AGAP1: variants seen among roughly 807,000 people sequenced by gnomAD.
The protein encoded by AGAP1 is ArfGAP with GTPase domain, ankyrin repeat and PH domain 1.
Under a neutral mutation model 105.3 loss-of-function variants are expected in AGAP1, and 29 were observed. That is an observed-to-expected ratio of 0.28 (90% confidence interval 0.21 to 0.38). The LOEUF (loss-of-function observed/expected upper bound fraction) is 0.38, where lower values mean the gene tolerates loss of function less well. AGAP1 is among the 10% of genes least tolerant of loss of function. The pLI is 1.00. For synonymous variants in AGAP1, 509 were observed against 485.9 expected, an observed-to-expected ratio of 1.05 and a Z score of -0.63; for missense variants, 998 against 1,165.1, an observed-to-expected ratio of 0.86 and a Z score of 2.09.
At chr2:236,047,598 C>CTTTTTTTTTTTTTTTTT (rs59007077) in intron 15 of AGAP1, among the ~76,000 whole-genome samples, 14 of 68,286 alleles carry the variant, frequency 2.1e-4, no homozygotes, top group East Asian at 6.0e-4. Flanking sequence ...TCTCACATTT[C>CTTTTTTTTTTTTTTTTT]TTTTTTTTTT....
chr2:235,573,001 T>A (rs1350504754), intron 1 of AGAP1, among the ~76,000 whole-genome samples: 2 of 24,306 alleles, frequency 8.2e-5, no homozygotes, highest in African/African-American at 3.9e-4. Flanking sequence ...CTTCTTCTTC[T>A]TCTTCTTCTT....
chr2:235,660,784 C>T lies in AGAP1; in HGVS notation c.164-48395C>T, dbSNP rs186791212. On this transcript the variant is annotated intron_variant, in intron 1 of 17. Coordinates refer to ENST00000304032, the MANE Select transcript of AGAP1 (RefSeq NM_001037131.3). This position sits in a 1 kb window ranked among gnomAD's most constrained non-coding sequence, Gnocchi z 5.3. Reference sequence around the variant, plus strand: ...TTTCAGCATTGGAGCAGATGCTCCCCATACATCATCACATCTTATTGTCGC... The same window carrying T: ...TTTCAGCATTGGAGCAGATGCTCCCTATACATCATCACATCTTATTGTCGC... Among the ~76,000 whole-genome samples the T allele has an allele frequency of 6.6e-6, 1 of 152,312 alleles. No individual in the cohort carries two copies. The highest frequency in any genetic ancestry group is 2.4e-5 in the African/African-American group (1 of 41,558).
At chr2:235,990,507 G>A (rs2055520381) in intron 13 of AGAP1, among the ~76,000 whole-genome samples, 1 of 152,236 alleles carries the variant, frequency 6.6e-6, no homozygotes, top group Admixed American at 6.5e-5. Context: ...TGGGACCTAA[G>A]CTGGGGCTGT....
rs980385185 is a variant in AGAP1, at chr2:235,789,508, G to C, written c.674-8251G>C. Among the ~76,000 whole-genome samples the C allele has an allele frequency of 6.6e-6, 1 of 152,118 alleles. No individual in the cohort carries two copies. The highest frequency in any genetic ancestry group is 1.5e-5 in the Non-Finnish European group (1 of 68,038). The stretch of plus-strand genomic sequence containing the variant: ...GAATACAGACAAGAACTGAATTTCA[G>C]ATTAAGAATTCAGACTTCAGTACTT... On this transcript the variant is annotated intron_variant, in intron 6 of 17. Transcript: ENST00000304032. The surrounding 1 kb of genome is among the most constrained non-coding windows in gnomAD (Gnocchi z 4.2).
intron 9 of AGAP1, among the ~76,000 whole-genome samples, chr2:235,858,278 TAAA>T (rs2048769253): frequency 3.3e-5 from 5 of 152,228 alleles, no homozygotes; most frequent in Admixed American, 3.3e-4. Flanking sequence ...TAGCGTTAGT[TAAA>T]AAATGTAAGA....
Position 235,612,368 on chromosome 2 carries a change from A to C in AGAP1, c.164-96811A>C, listed in dbSNP as rs1347098203. ...CCTTGGTTGCATTTAATGTGTGTGC[A>C]TAATCAGAGGGCAAGGACAGCAGTA... On this transcript the variant is annotated intron_variant, in intron 1 of 17. Transcript: ENST00000304032. This position sits in a 1 kb window ranked among gnomAD's most constrained non-coding sequence, Gnocchi z 4.3. Among the ~76,000 whole-genome samples the C allele has an allele frequency of 6.6e-6, 1 of 152,210 alleles. No individual in the cohort carries two copies. The highest frequency in any genetic ancestry group is 2.4e-5 in the African/African-American group (1 of 41,446).
rs1944679491 is a variant in AGAP1, at chr2:235,574,762, G to T, written c.163+79913G>T. Among the ~76,000 whole-genome samples the T allele has an allele frequency of 6.6e-6, 1 of 152,146 alleles. No homozygotes were observed. The highest frequency in any genetic ancestry group is 1.5e-5 in the Non-Finnish European group (1 of 68,006). On this transcript the variant is annotated intron_variant, in intron 1 of 17. Coordinates refer to ENST00000304032, the MANE Select transcript of AGAP1 (RefSeq NM_001037131.3). This position sits in a 1 kb window ranked among gnomAD's most constrained non-coding sequence, Gnocchi z 5.0. ...GAGGGAATGAACGAGAAAAATAAAA[G>T]AAAGAAAATCACACAAGACCAAATA...
Position 235,754,426 on chromosome 2 carries a change from TA to T in AGAP1, c.673+3954del, listed in dbSNP as rs71400783. 0.25 allele frequency among the ~76,000 whole-genome samples: 33,981 copies of T among 136,424 alleles called. 4,112 individuals carry two copies. The highest frequency in any genetic ancestry group is 0.52 in the East Asian group (2,548 of 4,918). The allele number at this position is 136,424 out of a possible 152,430, so 89.5% of individuals were successfully genotyped here. On this transcript the variant is annotated intron_variant, in intron 6 of 17. Coordinates refer to ENST00000304032, the MANE Select transcript of AGAP1 (RefSeq NM_001037131.3). The surrounding 1 kb of genome is among the most constrained non-coding windows in gnomAD (Gnocchi z 4.6). The stretch of plus-strand genomic sequence containing the variant: ...TTCTACATAATGTTTGGCTTGTAAA[TA>T]AAAAAAAAAAAAAAATCCAGCTGCT...
intron 2 of AGAP1, among the ~76,000 whole-genome samples, chr2:235,715,267 G>C (rs1951043426): frequency 6.6e-6 from 1 of 152,114 alleles, no homozygotes; most frequent in Non-Finnish European, 1.5e-5. Flanking sequence ...GACTTTGTTG[G>C]AGCCAGGGAC....
chr2:235,807,381 G>T, intron 9 of AGAP1, 50 bp downstream of exon 9: 1 of 1,513,972 alleles, frequency 6.6e-7, no homozygotes, highest in Non-Finnish European at 8.9e-7. Flanking sequence ...ATACACCTCA[G>T]GTCTTCCTGG....
Position 236,124,248 on chromosome 2 carries a change from C to A in AGAP1, c.*126C>A. On this transcript the variant is annotated 3_prime_UTR_variant, in exon 18 of 18. Transcript: ENST00000304032. The surrounding 1 kb of genome is among the most constrained non-coding windows in gnomAD (Gnocchi z 5.1). Reference sequence around the variant, plus strand: ...CTCTTCCTGGTGGCCACCTCCCTCCCGCCCACCCACTCTCACCCCAAACAA... The same window carrying A: ...CTCTTCCTGGTGGCCACCTCCCTCCAGCCCACCCACTCTCACCCCAAACAA... The A allele has an allele frequency of 2.8e-6, 3 of 1,071,992 alleles. No individual in the cohort carries two copies. Among genetic ancestry groups the A allele is most frequent in the Non-Finnish European group, 4.1e-6 (3 of 735,426 alleles). The allele number at this position is 1,071,992 out of a possible 1,614,324, so 66.4% of individuals were successfully genotyped here. A position where few individuals can be genotyped will look rare whatever the true frequency, so the allele number is the denominator to read the frequency against.
chr2:235,830,004 G>A lies in AGAP1; in HGVS notation c.1050+22673G>A, dbSNP rs1387248733. On this transcript the variant is annotated intron_variant, in intron 9 of 17. Transcript: ENST00000304032. This position sits in a 1 kb window ranked among gnomAD's most constrained non-coding sequence, Gnocchi z 5.5. ...AAGACTGGGGGCACATGGGGACCAG[G>A]ACACCTGGACATACACAGTCAGAAG... Among the ~76,000 whole-genome samples the A allele has an allele frequency of 1.3e-5, 2 of 152,158 alleles. No individual in the cohort carries two copies. Among genetic ancestry groups the A allele is most frequent in the East Asian group, 1.9e-4 (1 of 5,186 alleles).
intron 1 of AGAP1, among the ~76,000 whole-genome samples, chr2:235,643,989 G>C (rs1243503379): frequency 6.6e-6 from 1 of 152,120 alleles, no homozygotes; most frequent in Non-Finnish European, 1.5e-5. Flanking sequence ...CCTTTGCTCT[G>C]TGCCTCTGTA....
intron 11 of AGAP1, among the ~76,000 whole-genome samples, chr2:235,917,128 C>T (rs2051926438): frequency 6.6e-6 from 1 of 152,148 alleles, no homozygotes; most frequent in South Asian, 2.1e-4. Flanking sequence ...GATGCTTAGA[C>T]CTTTGTCAAA....
chr2:235,790,211 G>C (rs986361702), intron 6 of AGAP1, among the ~76,000 whole-genome samples: 1 of 152,058 alleles, frequency 6.6e-6, no homozygotes, highest in Non-Finnish European at 1.5e-5. Flanking sequence ...AGAAATTTTC[G>C]GAGTTTAGCT....
In AGAP1 at chr2:235,867,592, A is replaced by AC; in HGVS notation, c.1051-15748dup. On this transcript the variant is annotated intron_variant, in intron 9 of 17. Transcript: ENST00000304032. This position sits in a 1 kb window ranked among gnomAD's most constrained non-coding sequence, Gnocchi z 5.4. ...GTGTGTGTGCAAGTGAGGGAGGGTG[A>AC]CCCCCACACCAAGCACACAGGGCCA... is the stretch of plus-strand genomic sequence containing the variant. Among the ~76,000 whole-genome samples the AC allele has an allele frequency of 7.1e-6, 1 of 140,118 alleles. No individual in the cohort carries two copies. Among genetic ancestry groups the AC allele is most frequent in the Admixed American group, 7.3e-5 (1 of 13,766 alleles). 91.9% of individuals were successfully genotyped at this position (140,118 alleles called of 152,430 possible). A position where few individuals can be genotyped will look rare whatever the true frequency, so the allele number is the denominator to read the frequency against.
chr2:235,930,998 C>T lies in AGAP1; in HGVS notation c.1483+75C>T, dbSNP rs1290126209. On this transcript the variant is annotated intron_variant, in intron 12 of 17. Transcript: ENST00000304032. The surrounding 1 kb of genome is among the most constrained non-coding windows in gnomAD (Gnocchi z 7.9). ...GTTGTAAGCCAGGGGCTGGACAGGA[C>T]GCCCTAAGCTCTCATGCTCCTCTGG... The T allele has an allele frequency of 2.2e-5, 34 of 1,523,172 alleles. No individual in the cohort carries two copies. Among genetic ancestry groups the T allele is most frequent in the South Asian group, 1.0e-4 (8 of 79,164 alleles). 94.4% of individuals were successfully genotyped at this position (1,523,172 alleles called of 1,614,324 possible). A position where few individuals can be genotyped will look rare whatever the true frequency, so the allele number is the denominator to read the frequency against.
rs1050449895 is a variant in AGAP1 at position 235,608,554 on chromosome 2, C to T, written c.164-100625C>T. ...TCTGCCTCTCCCAGTGAGACCAACC[C>T]TGCCCTCTGGACGGATGGAAGGACA... On this transcript the variant is annotated intron_variant, in intron 1 of 17. Coordinates refer to ENST00000304032, the MANE Select transcript of AGAP1 (RefSeq NM_001037131.3). The surrounding 1 kb of genome is among the most constrained non-coding windows in gnomAD (Gnocchi z 5.4). 6.6e-6 allele frequency among the ~76,000 whole-genome samples: 1 copy of T among 152,178 alleles called. No homozygotes were observed. The highest frequency in any genetic ancestry group is 2.4e-5 in the African/African-American group (1 of 41,436).
intron 12 of AGAP1, among the ~76,000 whole-genome samples, chr2:235,939,403 G>A (rs571668752): frequency 1.2e-4 from 18 of 152,058 alleles, no homozygotes; most frequent in Admixed American, 2.0e-4. Context: ...ATCTTCCAAG[G>A]GACTCTGCTT....
Sources: allele counts gnomAD v4.1 joint callset (sites outside exome capture counted in the v4.1 genomes callset), GRCh38; gene constraint gnomAD v4.1.1; non-coding constraint Gnocchi (gnomAD v3.1); transcripts MANE v1.5; gene names NCBI Gene and HGNC (gene_info 2026-07-23, HGNC 2026-07-21).